Variants in ALK observed in about 807,000 individuals in gnomAD.
ALK encodes the protein ALK receptor tyrosine kinase.
In ALK, 74 loss-of-function variants were observed where a neutral mutation model predicts 163.1. The observed-to-expected ratio is 0.45, with a 90% CI of 0.38 to 0.55. ALK has a LOEUF of 0.55. Ranked by LOEUF, ALK falls within the 20% of genes least tolerant of loss-of-function variation. The probability of loss-of-function intolerance (pLI) is 0.00; values close to 1 mark genes in which losing one functional copy is unlikely to be tolerated. For missense variants in ALK, 2,063 were observed against 2,105.3 expected (o/e 0.98, Z 0.39); for synonymous variants, 960 against 843.2 (o/e 1.14, Z -2.40).
At chr2:29,485,602 T>C (rs779230922) in intron 4 of ALK, among the ~76,000 whole-genome samples, 2 of 152,236 alleles carry the variant, frequency 1.3e-5, no homozygotes, top group Non-Finnish European at 2.9e-5. Flanking sequence ...GGTTTTTGGC[T>C]TTCTTTCTTG....
chr2:29,811,517 G>C (rs976243336), intron 1 of ALK, among the ~76,000 whole-genome samples: 4 of 152,164 alleles, frequency 2.6e-5, no homozygotes, highest in African/African-American at 9.7e-5. Flanking sequence ...TGCATGGATG[G>C]AGCTTTCATG....
intron 4 of ALK, among the ~76,000 whole-genome samples, chr2:29,515,331 A>G (rs1294863433): frequency 6.6e-6 from 1 of 152,186 alleles, no homozygotes; most frequent in African/African-American, 2.4e-5. Context: ...AATGTAGTAT[A>G]TATTTCACTC....
chr2:29,430,347 A>G (rs774810758), intron 4 of ALK, among the ~76,000 whole-genome samples: 2 of 152,214 alleles, frequency 1.3e-5, no homozygotes, highest in Non-Finnish European at 2.9e-5. Context: ...TTATAACTCA[A>G]TAATAAAAAG....
chr2:29,413,821 C>G (rs1384489708), intron 4 of ALK, among the ~76,000 whole-genome samples: 1 of 152,166 alleles, frequency 6.6e-6, no homozygotes, highest in Non-Finnish European at 1.5e-5. Flanking sequence ...GCTTGAGGCA[C>G]CTCACCCAGC....
chr2:29,457,161 A>C (rs998333838), intron 4 of ALK, among the ~76,000 whole-genome samples: 1 of 152,096 alleles, frequency 6.6e-6, no homozygotes, highest in Non-Finnish European at 1.5e-5. Flanking sequence ...CTGAAAAGTG[A>C]AGGGAGTATC....
At chr2:29,598,119 C>G (rs554161020) in intron 3 of ALK, among the ~76,000 whole-genome samples, 2 of 152,318 alleles carry the variant, frequency 1.3e-5, no homozygotes, top group South Asian at 4.1e-4. Flanking sequence ...CCTCTGCCTC[C>G]TCGGTTCAAG....
At chr2:29,416,013 C>G (rs141366847) in intron 4 of ALK, among the ~76,000 whole-genome samples, 476 of 152,318 alleles carry the variant, frequency 3.1e-3, no homozygotes, top group African/African-American at 0.01. Flanking sequence ...GGCCTTCAGA[C>G]CCCGACTACA....
chr2:29,694,214 A>C (rs1031325322), intron 3 of ALK, among the ~76,000 whole-genome samples: 1 of 152,176 alleles, frequency 6.6e-6, no homozygotes, highest in African/African-American at 2.4e-5. Context: ...CTCTGAGCCT[A>C]CCTTTCCTAG....
chr2:29,567,964 A>G (rs1430343528), intron 3 of ALK, among the ~76,000 whole-genome samples: 2 of 152,200 alleles, frequency 1.3e-5, no homozygotes, highest in Non-Finnish European at 2.9e-5. Context: ...TTAATAACAG[A>G]ACATTGAGAG....
intron 1 of ALK, among the ~76,000 whole-genome samples, chr2:29,810,816 T>C (rs184081731): frequency 1.7e-3 from 256 of 152,194 alleles, no homozygotes; most frequent in Middle Eastern, 6.8e-3. Flanking sequence ...TATTTAAAGA[T>C]AGAGTCTTTA....
intron 3 of ALK, among the ~76,000 whole-genome samples, chr2:29,620,641 G>C (rs144033463): frequency 2.0e-5 from 3 of 151,952 alleles, no homozygotes; most frequent in Non-Finnish European, 2.9e-5. Flanking sequence ...TACTCCAGGC[G>C]GCAGACTTCT....
intron 23 of ALK, among the ~76,000 whole-genome samples, chr2:29,216,815 T>C (rs564584276): frequency 6.7e-6 from 1 of 148,726 alleles, no homozygotes; most frequent in African/African-American, 2.5e-5. Flanking sequence ...ATGTGGCATA[T>C]ATGTGTGTGG....
intron 15 of ALK, among the ~76,000 whole-genome samples, chr2:29,231,192 G>T (rs1319518318): frequency 2.0e-5 from 3 of 152,152 alleles, no homozygotes; most frequent in Non-Finnish European, 4.4e-5. Flanking sequence ...ACAAAAATTA[G>T]CTGGGCGTGG....
rs1039350730 is a variant in ALK, at chr2:29,622,470, C to A, written c.952+72380G>T. Among the ~76,000 whole-genome samples, 4 of 152,290 alleles carry A rather than the reference C, an allele frequency of 2.6e-5. No individual in the cohort carries two copies. In the Middle Eastern group the frequency reaches 0.01, roughly 388 times the overall value. ...CTTATTCACTATCACGAGAATAGCA[C>A]GGGAAAGACCAGTCCCCATGATTCA... On this transcript the variant is annotated intron_variant, in intron 3 of 28. Transcript: ENST00000389048.
At chr2:29,647,038 GATGA>G (rs1188488098) in intron 3 of ALK, among the ~76,000 whole-genome samples, 1 of 152,138 alleles carries the variant, frequency 6.6e-6, no homozygotes, top group Non-Finnish European at 1.5e-5. Flanking sequence ...TGAATGAATG[GATGA>G]ATGAATGGAT....
At chr2:29,581,205 T>C (rs4666252) in intron 3 of ALK, among the ~76,000 whole-genome samples, 97,875 of 151,872 alleles carry the variant, frequency 0.64, 31,736 homozygotes, top group African/African-American at 0.69. Flanking sequence ...CTGGCCAACA[T>C]GGTGAAACCC....
chr2:29,507,356 T>C (rs1030932435), intron 4 of ALK, among the ~76,000 whole-genome samples: 6 of 152,262 alleles, frequency 3.9e-5, no homozygotes, highest in Non-Finnish European at 7.4e-5. Flanking sequence ...ATAGTGGTGG[T>C]TGCCTGGGGT....
At chr2:29,338,799 A>C (rs549014234) in intron 5 of ALK, among the ~76,000 whole-genome samples, 3 of 152,360 alleles carry the variant, frequency 2.0e-5, no homozygotes, top group African/African-American at 7.2e-5. Context: ...TTTCAGTAGA[A>C]GAATGTCGTG....
At chr2:29,736,172 G>A (rs1019650173) in intron 1 of ALK, among the ~76,000 whole-genome samples, 10 of 151,870 alleles carry the variant, frequency 6.6e-5, no homozygotes, top group Non-Finnish European at 1.3e-4. Flanking sequence ...GTTTTCAAAG[G>A]GTTTTTGATA....
Sources: allele counts gnomAD v4.1 joint callset (sites outside exome capture counted in the v4.1 genomes callset), GRCh38; gene constraint gnomAD v4.1.1; transcripts MANE v1.5; gene names NCBI Gene and HGNC (gene_info 2026-07-23, HGNC 2026-07-21).